TCF7: variants seen among roughly 807,000 people sequenced by gnomAD.
TCF7 encodes the protein transcription factor 7, also known as T-cell-factor-7.
Under a neutral mutation model 46.8 loss-of-function variants are expected in TCF7, and 19 were observed. The ratio of observed to expected loss-of-function variants is 0.41; its 90% CI spans 0.28 to 0.60. The LOEUF is 0.60. TCF7 is among the 20% of genes least tolerant of loss of function. The probability of loss-of-function intolerance (pLI) is 0.35; values close to 1 mark genes in which losing one functional copy is unlikely to be tolerated. For missense variants in TCF7, 547 were observed against 504.6 expected, an observed-to-expected ratio of 1.08 and a Z score of -0.81; for synonymous variants, 245 against 213.4, an observed-to-expected ratio of 1.15 and a Z score of -1.29.
chr5:134,115,121 CG>C lies in TCF7; in HGVS notation c.220del (p.Ala74ProfsTer34), dbSNP rs1561644213. On this transcript the variant is annotated frameshift_variant, in exon 1 of 10. Coordinates refer to ENST00000342854, the MANE Select transcript of TCF7 (RefSeq NM_003202.5). LOFTEE classifies it high-confidence loss of function. ...AAGGAGIPGV[P>X]GAGAGARGEA... ...GGCGGCGCAGGGATCCCGGGGGTCC[CG>C]GGGGCCGGCGCCGGGGCCCGCGGCG... The C allele has an allele frequency of 9.8e-6, 10 of 1,017,910 alleles. No homozygotes were observed. The East Asian group carries it at 2.5e-4, about 25-fold the overall frequency. The allele number at this position is 1,017,910 out of a possible 1,614,324, so 63.1% of individuals were successfully genotyped here.
At chr5:134,145,971 A>G (rs1231032658) in intron 9 of TCF7, 2 of 1,473,744 alleles carry the variant, frequency 1.4e-6, no homozygotes, top group Non-Finnish European at 1.8e-6. Flanking sequence ...CCCTTGGAAG[A>G]CAGATGACAG....
chr5:134,142,622 C>T, intron 6 of TCF7, 99 bp from the exon 7 acceptor site: 1 of 1,465,120 alleles, frequency 6.8e-7, no homozygotes, highest in Non-Finnish European at 9.2e-7. Context: ...ACTCTGGTAT[C>T]ATACACTTAG....
chr5:134,115,726 G>A (rs1455001838), intron 2 of TCF7, 183 bp from the exon 3 acceptor site: 3 of 1,435,604 alleles, frequency 2.1e-6, no homozygotes, highest in East Asian at 5.1e-5. Flanking sequence ...GCCACCTCGG[G>A]GAGGCCTGCC....
At chr5:134,121,229 C>T (rs548277273) in intron 3 of TCF7, among the ~76,000 whole-genome samples, 3 of 151,958 alleles carry the variant, frequency 2.0e-5, no homozygotes, top group Admixed American at 6.5e-5. Flanking sequence ...TCCCCTTCCT[C>T]AGTCATGTAG....
chr5:134,142,998 C>T lies in TCF7; in HGVS notation c.924C>T (p.His308=), dbSNP rs143958428. ...GCCCCTCTTCCCTGTTGCAGTGGCA[C>T]GCGCTGTCGCGAGAAGAGCAGGCCA... ...AINQILGRRW[H]ALSREEQAKY... The change falls in exon 8 of 10, where the codon CAC becomes CAT. Residue 308 remains histidine, a synonymous_variant. Transcript: ENST00000342854. 7.9e-5 allele frequency: 127 copies of T among 1,613,088 alleles called. No homozygotes were observed. The African/African-American group carries it at 9.9e-4, about 13-fold the overall frequency.
chr5:134,110,995 A>C (rs1213983380), upstream of TCF7, among the ~76,000 whole-genome samples: 2 of 152,218 alleles, frequency 1.3e-5, no homozygotes, highest in African/African-American at 4.8e-5. Context: ...GTTCAAGAGC[A>C]CCCATTAGAC....
chr5:134,128,605 C>T (rs971125721), intron 3 of TCF7, among the ~76,000 whole-genome samples: 6 of 150,994 alleles, frequency 4.0e-5, no homozygotes, highest in African/African-American at 1.5e-4. Flanking sequence ...CTTGTCTTTG[C>T]TTCTCAGAGG....
chr5:134,132,405 C>A (rs1758250889), intron 3 of TCF7, among the ~76,000 whole-genome samples: 1 of 152,218 alleles, frequency 6.6e-6, no homozygotes, highest in Non-Finnish European at 1.5e-5. Flanking sequence ...CCAATAGCGA[C>A]CAGCTGAGCA....
chr5:134,141,825 GGA>G (rs1759820535), intron 5 of TCF7: 1 of 183,098 alleles, frequency 5.5e-6, no homozygotes, highest in South Asian at 1.6e-4. Flanking sequence ...GCTATTGTGT[GGA>G]GAGAGGCCTG....
intron 3 of TCF7, among the ~76,000 whole-genome samples, chr5:134,137,235 T>G (rs867211187): frequency 1.5e-4 from 23 of 152,010 alleles, no homozygotes; most frequent in Middle Eastern, 6.8e-3. Context: ...ACCAGCCTGG[T>G]CAACATGGCG....
chr5:134,121,782 C>T (rs1204441544), intron 3 of TCF7, among the ~76,000 whole-genome samples: 2 of 152,144 alleles, frequency 1.3e-5, no homozygotes, highest in Non-Finnish European at 2.9e-5. Context: ...ACACATCACT[C>T]TTTCGTTTCC....
Position 134,146,558 on chromosome 5 carries a change from C to T in TCF7, c.*255C>T, listed in dbSNP as rs754845897. The T allele has an allele frequency of 4.4e-5, 31 of 707,976 alleles. 1 individual carries two copies. The South Asian group carries it at 4.7e-4, about 11-fold the overall frequency. 43.9% of individuals were successfully genotyped at this position (707,976 alleles called of 1,614,324 possible). ...CACCTGGCCGCCTCCAGGAGCCTAC[C>T]CCCTGAAAGTGACAGAGACCCAGAT... On this transcript the variant is annotated 3_prime_UTR_variant, in exon 10 of 10. Coordinates refer to ENST00000342854, the MANE Select transcript of TCF7 (RefSeq NM_003202.5).
intron 9 of TCF7, chr5:134,144,374 A>C: frequency 4.3e-6 from 1 of 232,316 alleles, no homozygotes; most frequent in Non-Finnish European, 8.7e-6. Context: ...CCTTGAAGGA[A>C]TGTAGGTCAA....
chr5:134,141,418 T>C (rs1356067177), intron 5 of TCF7: 1 of 152,348 alleles, frequency 6.6e-6, no homozygotes, highest in Non-Finnish European at 1.5e-5. Flanking sequence ...AGTGCAAATA[T>C]GCAATGGCAG....
intron 3 of TCF7, among the ~76,000 whole-genome samples, chr5:134,129,254 G>A (rs1244747596): frequency 6.6e-6 from 1 of 152,214 alleles, no homozygotes; most frequent in Non-Finnish European, 1.5e-5. Flanking sequence ...TGTTACTAGT[G>A]GGGGCTGCCA....
Position 134,114,841 on chromosome 5 carries a change from C to T in TCF7, c.-66C>T, listed in dbSNP as rs1413133073. 10 of 981,372 alleles carry T rather than the reference C, an allele frequency of 1.0e-5. No individual in the cohort carries two copies. In the Admixed American group the frequency reaches 2.5e-4, roughly 25 times the overall value. 60.8% of individuals were successfully genotyped at this position (981,372 alleles called of 1,614,324 possible). ...TTCGGACTCCGGGCTCGCCGCCCCC[C>T]GGGCCGGCTCCGCGCCCCGCACTCC... is the stretch of plus-strand genomic sequence containing the variant. On this transcript the variant is annotated 5_prime_UTR_variant, in exon 1 of 10. Coordinates refer to ENST00000342854, the MANE Select transcript of TCF7 (RefSeq NM_003202.5).
intron 3 of TCF7, among the ~76,000 whole-genome samples, chr5:134,122,550 A>C (rs1409453124): frequency 6.6e-6 from 1 of 152,078 alleles, no homozygotes; most frequent in Non-Finnish European, 1.5e-5. Flanking sequence ...AGCCCCTCCA[A>C]GGAGGGAGGT....
chr5:134,130,351 G>A (rs1757949850), intron 3 of TCF7, among the ~76,000 whole-genome samples: 1 of 152,226 alleles, frequency 6.6e-6, no homozygotes, highest in Non-Finnish European at 1.5e-5. Flanking sequence ...CTGGACAGTG[G>A]GGCCCTAGCT....
chr5:134,146,207 C>G lies in TCF7; in HGVS notation c.1076-17C>G, dbSNP rs745484987. 5.6e-6 allele frequency: 9 copies of G among 1,614,178 alleles called. No individual in the cohort carries two copies. In the African/African-American group the frequency reaches 9.3e-5, roughly 17 times the overall value. ...ATTCACCCTCTGTTTACAGATAACT[C>G]TCTTCACTATTCCTAGGAGGAAAAA... On this transcript the variant is annotated splice_polypyrimidine_tract_variant and intron_variant, in intron 9 of 9. Coordinates refer to ENST00000342854, the MANE Select transcript of TCF7 (RefSeq NM_003202.5).
Sources: allele counts gnomAD v4.1 joint callset (sites outside exome capture counted in the v4.1 genomes callset), GRCh38; gene constraint gnomAD v4.1.1; transcripts MANE v1.5; gene names NCBI Gene and HGNC (gene_info 2026-07-23, HGNC 2026-07-21).